Variants in SRSF11 observed in about 807,000 individuals in gnomAD.
The protein encoded by SRSF11 is serine and arginine rich splicing factor 11.
Under a neutral mutation model 56.0 loss-of-function variants are expected in SRSF11, and 9 were observed. The observed-to-expected ratio is 0.16, with a 90% CI of 0.10 to 0.28. The LOEUF (loss-of-function observed/expected upper bound fraction) is 0.28, where lower values mean the gene tolerates loss of function less well. SRSF11 is among the 10% of genes least tolerant of loss of function. SRSF11 has a pLI of 1.00. For synonymous variants in SRSF11, 222 were observed against 215.3 expected (o/e 1.03, Z -0.27); for missense variants, 421 against 600.7 (o/e 0.70, Z 3.13).
intron 9 of SRSF11, chr1:70,249,530 C>T (rs1677519056): frequency 6.3e-6 from 1 of 159,562 alleles, no homozygotes; most frequent in Non-Finnish European, 1.4e-5. Context: ...AATTGTTTAG[C>T]TTATACCAGT....
intron 1 of SRSF11, among the ~76,000 whole-genome samples, chr1:70,209,740 CTTTTTTTTTTTTTTTTTTTTTT>C (rs923729248): frequency 0.031 from 857 of 27,500 alleles, 11 homozygotes; most frequent in Non-Finnish European, 0.04. Flanking sequence ...CACCTCGCTT[CTTTTTTTTTTTTTTTTTTTTTT>C]TTTTTTTTTT....
chr1:70,212,536 T>A (rs1025585737), intron 1 of SRSF11, among the ~76,000 whole-genome samples: 1 of 152,058 alleles, frequency 6.6e-6, no homozygotes, highest in Non-Finnish European at 1.5e-5. Context: ...GGATTACAGG[T>A]GTGAGCCATT....
chr1:70,238,221 A>G (rs993473986), intron 6 of SRSF11, among the ~76,000 whole-genome samples: 5 of 152,230 alleles, frequency 3.3e-5, no homozygotes, highest in African/African-American at 1.2e-4. Context: ...GAAAATGTCA[A>G]ATAATTAGCC....
intron 1 of SRSF11, among the ~76,000 whole-genome samples, chr1:70,223,340 A>AT (rs1225508938): frequency 6.6e-6 from 1 of 152,232 alleles, no homozygotes; most frequent in Non-Finnish European, 1.5e-5. Flanking sequence ...TTTATGATGC[A>AT]TTTAGAAAAA....
intron 4 of SRSF11, 125 bp downstream of exon 4, chr1:70,234,913 A>AG: frequency 1.4e-6 from 1 of 710,430 alleles, no homozygotes; most frequent in Non-Finnish European, 2.3e-6. Context: ...TCTTGTTTAA[A>AG]CTTGTCAGAG....
At chr1:70,244,059 A>G (rs1057180641) in intron 7 of SRSF11, among the ~76,000 whole-genome samples, 12 of 152,216 alleles carry the variant, frequency 7.9e-5, no homozygotes, top group Admixed American at 2.0e-4. Context: ...GGCAGTTTAT[A>G]CAAATTGTAT....
chr1:70,243,216 T>G (rs1021119291), intron 7 of SRSF11, among the ~76,000 whole-genome samples: 35 of 151,740 alleles, frequency 2.3e-4, no homozygotes, highest in African/African-American at 7.7e-4. Flanking sequence ...CAAATCCATC[T>G]ATACCAGAAT....
chr1:70,205,909 C>G (rs1254303437), intron 1 of SRSF11: 3 of 167,338 alleles, frequency 1.8e-5, no homozygotes, highest in Non-Finnish European at 3.8e-5. Context: ...TCTCTTCTCC[C>G]CTCTCCTAGT....
rs1478657971 is a variant in SRSF11 at position 70,252,849 on chromosome 1, A to T, written c.*2044A>T. The T allele has an allele frequency of 6.6e-6, 1 of 152,204 alleles. No homozygotes were observed. Among genetic ancestry groups the T allele is most frequent in the Admixed American group, 6.5e-5 (1 of 15,282 alleles). 9.4% of individuals were successfully genotyped at this position (152,204 alleles called of 1,614,324 possible). A position where few individuals can be genotyped will look rare whatever the true frequency, so the allele number is the denominator to read the frequency against. ...GAATCATTTTTTTAAAAGTAGTGCCACTGACAAGATGCTACAGTGAAGATT... is the reference window on the plus strand; with the variant it reads ...GAATCATTTTTTTAAAAGTAGTGCCTCTGACAAGATGCTACAGTGAAGATT... On this transcript the variant is annotated 3_prime_UTR_variant, in exon 12 of 12. Transcript: ENST00000370949.
chr1:70,207,649 T>C (rs1346176897), intron 1 of SRSF11, among the ~76,000 whole-genome samples: 1 of 152,034 alleles, frequency 6.6e-6, no homozygotes. Flanking sequence ...CAACCCACCT[T>C]TGGAGAATTG....
chr1:70,246,962 G>T, intron 9 of SRSF11, 55 bp downstream of exon 9: 1 of 1,422,354 alleles, frequency 7.0e-7, no homozygotes, highest in Non-Finnish European at 9.7e-7. Flanking sequence ...GCTTCTAACA[G>T]TATCAGTACG....
chr1:70,230,387 A>ACTT, intron 2 of SRSF11: 2 of 1,102,780 alleles, frequency 1.8e-6, no homozygotes, highest in Non-Finnish European at 2.2e-6. Context: ...AGTGTTTTAG[A>ACTT]ACAGTAGACA....
intron 7 of SRSF11, among the ~76,000 whole-genome samples, chr1:70,242,669 T>G (rs1675754973): frequency 6.6e-6 from 1 of 152,130 alleles, no homozygotes; most frequent in African/African-American, 2.4e-5. Flanking sequence ...TTTTTGACTT[T>G]ATTAAAAATA....
At chr1:70,234,640 C>A in intron 3 of SRSF11, 56 bp from the exon 4 acceptor site, 2 of 1,409,100 alleles carry the variant, frequency 1.4e-6, no homozygotes, top group Non-Finnish European at 1.9e-6. Flanking sequence ...AGTATTAACC[C>A]CTGGTATAAG....
intron 7 of SRSF11, 84 bp from the exon 8 acceptor site, chr1:70,244,600 C>A: frequency 6.9e-7 from 1 of 1,449,784 alleles, no homozygotes. Flanking sequence ...TCCATATGTC[C>A]GAATCTTTTG....
chr1:70,237,422 C>G lies in SRSF11; in HGVS notation c.591-3C>G. ...CAGATCCCATTTCTTGGTTCTGTTT[C>G]AGGTTGAATCATGTAGCTGCTGGTC... On this transcript the variant is annotated splice_region_variant and splice_polypyrimidine_tract_variant and intron_variant, in intron 5 of 11. Coordinates refer to ENST00000370949, the MANE Select transcript of SRSF11 (RefSeq NM_001350605.2). 2.5e-6 allele frequency: 4 copies of G among 1,612,316 alleles called. No homozygotes were observed. Among genetic ancestry groups the G allele is most frequent in the Non-Finnish European group, 3.4e-6 (4 of 1,179,736 alleles).
At chr1:70,244,567 T>C in intron 7 of SRSF11, 117 bp from the exon 8 acceptor site, 1 of 1,099,044 alleles carries the variant, frequency 9.1e-7, no homozygotes, top group Admixed American at 2.6e-5. Context: ...TGGAAGGGAA[T>C]TATCCCCCAT....
chr1:70,248,208 T>G (rs74088035), intron 9 of SRSF11, among the ~76,000 whole-genome samples: 1 of 152,038 alleles, frequency 6.6e-6, no homozygotes, highest in Non-Finnish European at 1.5e-5. Context: ...AGAAAAACTT[T>G]TATGTGAATG....
chr1:70,248,546 A>T (rs1489270049), intron 9 of SRSF11: 1 of 152,180 alleles, frequency 6.6e-6, no homozygotes, highest in Non-Finnish European at 1.5e-5. Flanking sequence ...TAAGCATGAA[A>T]ATGAAACCAA....
Sources: gnomAD v4.1 joint callset for allele counts (sites outside exome capture counted in the v4.1 genomes callset) on GRCh38, gnomAD v4.1.1 for gene constraint, MANE v1.5 for transcripts, NCBI Gene and HGNC (gene_info 2026-07-23, HGNC 2026-07-21) for gene names.